NOS1: variants seen among roughly 807,000 people sequenced by gnomAD.
The protein encoded by NOS1 is nitric oxide synthase 1.
Under a neutral mutation model 164.5 loss-of-function variants are expected in NOS1, and 51 were observed. The observed-to-expected ratio is 0.31, with a 90% CI of 0.25 to 0.39. The LOEUF (loss-of-function observed/expected upper bound fraction) is 0.39. Among genes scored for constraint, NOS1 ranks in the 10% least tolerant of loss-of-function variants. NOS1 has a pLI of 1.00. For missense variants in NOS1, 1,362 were observed against 1,885.6 expected (o/e 0.72, Z 5.14); for synonymous variants, 719 against 745.8 (o/e 0.96, Z 0.59).
chr12:117,219,932 C>T, intron 27 of NOS1, 143 bp downstream of exon 27: 1 of 779,152 alleles, frequency 1.3e-6, no homozygotes, highest in African/African-American at 1.7e-5. Context: ...CATCTATATC[C>T]TCTACCCTCA....
Position 117,306,331 on chromosome 12 carries a change from C to G in NOS1, c.852+5135G>C, listed in dbSNP as rs565742624. 6.1e-4 allele frequency among the ~76,000 whole-genome samples: 93 copies of G among 152,266 alleles called. 1 individual carries two copies. The highest frequency in any genetic ancestry group is 2.2e-3 in the African/African-American group (91 of 41,546). ...ACGGAATTTCTATATTAGCAGAGGC[C>G]TTAAGGCAAGCTCTCCATATATCTT... On this transcript the variant is annotated intron_variant, in intron 3 of 28. Transcript: ENST00000317775.
rs373800588 is a variant in NOS1, at chr12:117,255,972, A to T, written c.2532-2218T>A. 7.1e-5 allele frequency: 106 copies of T among 1,486,600 alleles called. No homozygotes were observed. The South Asian group carries it at 1.4e-3, about 20-fold the overall frequency. The allele number at this position is 1,486,600 out of a possible 1,614,324, so 92.1% of individuals were successfully genotyped here. A position where few individuals can be genotyped will look rare whatever the true frequency, so the allele number is the denominator to read the frequency against. On this transcript the variant is annotated intron_variant, in intron 16 of 28. Transcript: ENST00000317775. ...GTCACGGGCTGCAGCCAGACCGTGGACTTCTGTGTCACCATTGGGGAGGGG... is the reference window on the plus strand; with the variant it reads ...GTCACGGGCTGCAGCCAGACCGTGGTCTTCTGTGTCACCATTGGGGAGGGG...
At chr12:117,222,911 T>C (rs772185165) in intron 25 of NOS1, 48 bp from the exon 26 acceptor site, 5 of 1,591,390 alleles carry the variant, frequency 3.1e-6, no homozygotes, top group Non-Finnish European at 4.3e-6. Context: ...CTGCCTGATG[T>C]GCAGGGTGGC....
At chr12:117,257,714 T>C (rs1426886454) in intron 16 of NOS1, among the ~76,000 whole-genome samples, 3 of 148,776 alleles carry the variant, frequency 2.0e-5, no homozygotes, top group Non-Finnish European at 4.4e-5. Flanking sequence ...TAGCTGAGAC[T>C]ATAGGTGTGC....
At position 117,265,413 on chromosome 12, in the gene NOS1, T is replaced by G; in HGVS notation, c.2039A>C (p.Asp680Ala). 1 of 1,595,948 alleles carries G rather than the reference T, an allele frequency of 6.3e-7. No homozygotes were observed. The highest frequency in any genetic ancestry group is 1.2e-5 in the South Asian group (1 of 85,896). The change falls in exon 12 of 29, where the codon GAC (aspartate) becomes GCC (alanine). Residue 680 changes from aspartate (D) to alanine (A), a missense_variant. Physicochemically the swap from Asp to Ala is moderately radical, Grantham distance 126 (BLOSUM62 -2). Coordinates refer to ENST00000317775, the MANE Select transcript of NOS1 (RefSeq NM_000620.5). ...CATGGGGGGCACGATCCACACCCAG[T>G]CGGCAGGGCAGCCCCCCCGGCAGCG... ...EYRCRGGCPA[D>A]WVWIVPPMSG... is the part of the protein sequence containing the mutation.
chr12:117,321,596 T>C (rs1005970544), intron 2 of NOS1, among the ~76,000 whole-genome samples: 2 of 151,952 alleles, frequency 1.3e-5, no homozygotes, highest in Non-Finnish European at 2.9e-5. Context: ...GAAGGGTGGA[T>C]GGGGAGCTGC....
intron 9 of NOS1, among the ~76,000 whole-genome samples, chr12:117,274,433 C>T (rs1289861395): frequency 6.6e-6 from 1 of 151,976 alleles, no homozygotes; most frequent in Non-Finnish European, 1.5e-5. Context: ...AATAGAACTA[C>T]CACGAGATCC....
intron 24 of NOS1, 120 bp from the exon 25 acceptor site, chr12:117,225,257 C>T (rs1375587518): frequency 3.1e-6 from 4 of 1,307,564 alleles, no homozygotes; most frequent in Non-Finnish European, 4.2e-6. Flanking sequence ...TAAGGCTCTT[C>T]AGCCGGGGCC....
chr12:117,264,843 T>C (rs1872256287), intron 12 of NOS1, among the ~76,000 whole-genome samples: 2 of 151,728 alleles, frequency 1.3e-5, no homozygotes, highest in Non-Finnish European at 2.9e-5. Flanking sequence ...TCTTGGCCTC[T>C]TGAGCAGCTG....
chr12:117,231,955 G>A lies in NOS1; in HGVS notation c.3405+7C>T. The stretch of plus-strand genomic sequence containing the variant: ...CCCCTAGGGTTGTGCGAAGCCTGGG[G>A]ACCCACCTTGCTGAGGACCAGCAGA... On this transcript the variant is annotated splice_region_variant and intron_variant, in intron 22 of 28. Coordinates refer to ENST00000317775, the MANE Select transcript of NOS1 (RefSeq NM_000620.5). 2 of 1,610,296 alleles carry A rather than the reference G, an allele frequency of 1.2e-6. No homozygotes were observed. Among genetic ancestry groups the A allele is most frequent in the South Asian group, 1.1e-5 (1 of 90,288 alleles).
intron 16 of NOS1, among the ~76,000 whole-genome samples, chr12:117,257,659 T>C (rs990361630): frequency 7.4e-6 from 1 of 135,382 alleles, no homozygotes; most frequent in African/African-American, 2.8e-5. Context: ...CAGGCTGGCC[T>C]CAAATTCCTG....
rs1356567823 is a variant in NOS1, at chr12:117,295,630, T to TC, written c.853-5205_853-5204insG. On this transcript the variant is annotated intron_variant, in intron 3 of 28. Coordinates refer to ENST00000317775, the MANE Select transcript of NOS1 (RefSeq NM_000620.5). ...CCTGATCATTCTTTTTTTTTTTTTT[T>TC]TTTTTGAGACAGAGTCTCACTCTGT... Among the ~76,000 whole-genome samples, 4 of 147,880 alleles carry TC rather than the reference T, an allele frequency of 2.7e-5. No individual in the cohort carries two copies. The East Asian group carries it at 7.9e-4, about 29-fold the overall frequency.
At chr12:117,296,653 A>ACCC (rs386377864) in intron 3 of NOS1, among the ~76,000 whole-genome samples, 1 of 39,304 alleles carries the variant, frequency 2.5e-5, no homozygotes, top group Non-Finnish European at 4.5e-5. Flanking sequence ...TCCTTAATAA[A>ACCC]CTCTTTATAT....
chr12:117,226,494 C>T (rs1435736392), intron 24 of NOS1, among the ~76,000 whole-genome samples, 189 bp downstream of exon 24: 1 of 152,184 alleles, frequency 6.6e-6, no homozygotes, highest in Non-Finnish European at 1.5e-5. Flanking sequence ...GACCAGAGGA[C>T]TTGCCTAGCT....
chr12:117,211,766 C>T lies in NOS1; in HGVS notation c.*3543G>A. ...CAGTTCCAAGACGGGTGTCTCTCTC[C>T]ATCAGATTATAACCTTTGGCTGGGC... On this transcript the variant is annotated 3_prime_UTR_variant, in exon 29 of 29. Transcript: ENST00000317775. 1.3e-5 allele frequency: 13 copies of T among 985,366 alleles called. No homozygotes were observed. Among genetic ancestry groups the T allele is most frequent in the Non-Finnish European group, 1.4e-5 (12 of 829,954 alleles). 61.0% of individuals were successfully genotyped at this position (985,366 alleles called of 1,614,324 possible). A position where few individuals can be genotyped will look rare whatever the true frequency, so the allele number is the denominator to read the frequency against.
chr12:117,222,642 G>A (rs1056862119), intron 26 of NOS1, 73 bp downstream of exon 26: 10 of 1,400,132 alleles, frequency 7.1e-6, no homozygotes, highest in Non-Finnish European at 1.0e-5. Flanking sequence ...GAGGGTGAGG[G>A]GTTTCTGAGA....
chr12:117,241,080 T>C (rs1191027814), intron 20 of NOS1, among the ~76,000 whole-genome samples: 1 of 151,832 alleles, frequency 6.6e-6, no homozygotes, highest in Non-Finnish European at 1.5e-5. Flanking sequence ...GCTGGGATTA[T>C]AGGCCCCCAC....
chr12:117,340,871 C>CTTTTTTTT (rs775978271), intron 1 of NOS1, among the ~76,000 whole-genome samples: 3 of 96,432 alleles, frequency 3.1e-5, no homozygotes, highest in African/African-American at 4.6e-5. Flanking sequence ...TCACACCTGG[C>CTTTTTTTT]TATTTTTTTT....
intron 24 of NOS1, 23 bp from the exon 25 acceptor site, chr12:117,225,160 G>C (rs746038034): frequency 1.3e-6 from 2 of 1,599,434 alleles, no homozygotes; most frequent in South Asian, 1.1e-5. Context: ...GAGGGGGTCA[G>C]AAGTCTTGCA....
Sources: gnomAD v4.1 joint callset for allele counts (sites outside exome capture counted in the v4.1 genomes callset) on GRCh38, gnomAD v4.1.1 for gene constraint, MANE v1.5 for transcripts, NCBI Gene and HGNC (gene_info 2026-07-23, HGNC 2026-07-21) for gene names.